The following INVS variants were observed in gnomAD, a reference collection of about 807,000 sequenced individuals.
INVS encodes inversion of embryo turning homolog.
INVS carries 86 observed loss-of-function variants against 108.8 expected under a neutral mutation model. The observed-to-expected ratio is 0.79, with a 90% CI of 0.66 to 0.95. INVS has a LOEUF of 0.95. Ranked by LOEUF, INVS falls within the 40% of genes least tolerant of loss-of-function variation. The probability of loss-of-function intolerance (pLI) is 0.00; values close to 1 mark genes in which losing one functional copy is unlikely to be tolerated. For synonymous variants in INVS, 455 were observed against 473.5 expected (o/e 0.96, Z 0.51); for missense variants, 1,169 against 1,297.4 (o/e 0.90, Z 1.52).
chr9:100,296,984 A>G lies in INVS; in HGVS notation c.2854A>G (p.Arg952Gly). The change falls in exon 15 of 17, where the codon AGA (arginine) becomes GGA (glycine). Residue 952 changes from arginine (R) to glycine (G), a missense_variant. Arg to Gly is a moderately radical substitution (Grantham distance 125, BLOSUM62 -2). This residue lies in a region of INVS where 533 missense variants were observed against 536.0 expected (regional missense o/e 0.99). Transcript: ENST00000262457. The stretch of plus-strand genomic sequence containing the variant: ...GCAGCTTGGAGCTGGAGATGTGGAC[A>G]GATGGAGGCAAGAGTCTACAGCATT... ...MKQLGAGDVD[R>G]WRQESTALLL... 6.2e-7 allele frequency: 1 copy of G among 1,614,154 alleles called. No individual in the cohort carries two copies. Among genetic ancestry groups the G allele is most frequent in the Non-Finnish European group, 8.5e-7 (1 of 1,180,020 alleles).
chr9:100,216,253 C>T (rs140514140), intron 3 of INVS, among the ~76,000 whole-genome samples: 4 of 152,278 alleles, frequency 2.6e-5, no homozygotes, highest in Admixed American at 6.5e-5. Flanking sequence ...AGTAAAAATA[C>T]GGCTAGTCTT....
At chr9:100,129,788 C>A in intron 3 of INVS, 2 of 637,534 alleles carry the variant, frequency 3.1e-6, no homozygotes, top group Middle Eastern at 2.5e-4. Context: ...ATGACATTTT[C>A]CAAACTGGAA....
intron 12 of INVS, among the ~76,000 whole-genome samples, chr9:100,276,171 T>G (rs1439575282): frequency 1.3e-5 from 2 of 152,236 alleles, no homozygotes; most frequent in Non-Finnish European, 2.9e-5. Context: ...AATTTTAAAT[T>G]AATTCATCTC....
intron 16 of INVS, chr9:100,298,342 G>C (rs1489630885): frequency 1.4e-5 from 14 of 984,142 alleles, no homozygotes; most frequent in Non-Finnish European, 1.7e-5. Context: ...GTTCCATTTT[G>C]GTGTCACACT....
Position 100,246,689 on chromosome 9 carries a change from T to C in INVS, c.980T>C (p.Met327Thr). The change falls in exon 8 of 17, where the codon ATG (methionine) becomes ACG (threonine). Residue 327 changes from methionine (M) to threonine (T), a missense_variant. This residue lies in a region of INVS where 365 missense variants were observed against 397.5 expected (regional missense o/e 0.92). Coordinates refer to ENST00000262457, the MANE Select transcript of INVS (RefSeq NM_014425.5). The stretch of plus-strand genomic sequence containing the variant: ...GACCTGGAAGGAAGAACATCCTTTA[T>C]GTGGGCAGCTGGCAAAGGCAGTGAT... ...DSDLEGRTSF[M>T]WAAGKGSDDV... 6.2e-7 allele frequency: 1 copy of C among 1,613,794 alleles called. No homozygotes were observed. Among genetic ancestry groups the C allele is most frequent in the Non-Finnish European group, 8.5e-7 (1 of 1,179,688 alleles).
At chr9:100,176,032 G>T (rs1039828461) in intron 3 of INVS, 6 of 528,038 alleles carry the variant, frequency 1.1e-5, no homozygotes, top group Non-Finnish European at 2.2e-5. Flanking sequence ...ACTATTCCAA[G>T]AACATGCAGC....
intron 7 of INVS, among the ~76,000 whole-genome samples, chr9:100,245,019 G>A (rs190333758): frequency 6.6e-6 from 1 of 152,260 alleles, no homozygotes; most frequent in East Asian, 1.9e-4. Context: ...TGGATTAGAT[G>A]AGCCCTTGAA....
intron 3 of INVS, among the ~76,000 whole-genome samples, chr9:100,128,619 C>G (rs909346109): frequency 6.6e-6 from 1 of 151,972 alleles, no homozygotes; most frequent in African/African-American, 2.4e-5. Context: ...ATAATATGTC[C>G]CAGGCCTGTA....
In INVS at chr9:100,226,137, C is replaced by G. The variant is rs1021818693; in HGVS notation, c.349C>G (p.Pro117Ala). The G allele has an allele frequency of 4.1e-5, 66 of 1,613,826 alleles. No homozygotes were observed. The highest frequency in any genetic ancestry group is 5.4e-5 in the Non-Finnish European group (64 of 1,179,940). ...GCAAAAGGATCTGGAAGAGATGACT[C>G]CTTTGCACTTGACCACCCGGCACAG... is the stretch of plus-strand genomic sequence containing the variant. ...WMQKDLEEMT[P>A]LHLTTRHRSP... Residue 117 changes from proline (P) to alanine (A), a missense_variant, in exon 4 of 17, where the codon CCT becomes GCT. Physicochemically the swap from Pro to Ala is conservative, Grantham distance 27 (BLOSUM62 -1). Transcript: ENST00000262457.
intron 3 of INVS, among the ~76,000 whole-genome samples, chr9:100,134,539 G>A (rs1828162512): frequency 6.6e-6 from 1 of 152,150 alleles, no homozygotes; most frequent in African/African-American, 2.4e-5. Context: ...CATAGCGGCT[G>A]TACTAGTTTA....
At chr9:100,226,268 A>G in intron 4 of INVS, 33 bp downstream of exon 4, 1 of 1,589,002 alleles carries the variant, frequency 6.3e-7, no homozygotes, top group Non-Finnish European at 8.6e-7. Context: ...GACTAATAAG[A>G]CCAGAAAGCA....
chr9:100,293,621 A>G (rs1348430356), intron 14 of INVS, among the ~76,000 whole-genome samples: 1 of 152,210 alleles, frequency 6.6e-6, no homozygotes, highest in Non-Finnish European at 1.5e-5. Flanking sequence ...CTGAGCATCT[A>G]CCAAGCTCAA....
At chr9:100,166,865 C>T (rs1288662796) in intron 3 of INVS, among the ~76,000 whole-genome samples, 1 of 152,168 alleles carries the variant, frequency 6.6e-6, no homozygotes, top group Non-Finnish European at 1.5e-5. Flanking sequence ...TTGCCCCCTG[C>T]AGTCTATGCC....
At chr9:100,099,708 G>C (rs2118779812) in intron 1 of INVS, among the ~76,000 whole-genome samples, 1 of 152,298 alleles carries the variant, frequency 6.6e-6, no homozygotes, top group Middle Eastern at 3.4e-3. Context: ...CTGGAAAACT[G>C]TGTGAGTGAT....
chr9:100,141,154 A>T (rs922807102), intron 3 of INVS, among the ~76,000 whole-genome samples: 1 of 152,148 alleles, frequency 6.6e-6, no homozygotes, highest in African/African-American at 2.4e-5. Flanking sequence ...GATAGTAGGG[A>T]TGACAAGTTT....
chr9:100,267,157 T>A (rs1832822070), intron 11 of INVS, among the ~76,000 whole-genome samples: 1 of 152,188 alleles, frequency 6.6e-6, no homozygotes, highest in Admixed American at 6.5e-5. Context: ...ACAATGAAAT[T>A]TTTTAACTCA....
chr9:100,287,534 C>G (rs1833485591), intron 13 of INVS, among the ~76,000 whole-genome samples: 2 of 152,204 alleles, frequency 1.3e-5, no homozygotes, highest in Non-Finnish European at 2.9e-5. Flanking sequence ...TGTCCCCACC[C>G]AAATTCCCAG....
chr9:100,104,570 C>G lies in INVS; in HGVS notation c.49C>G (p.Gln17Glu). 1 of 1,614,136 alleles carries G rather than the reference C, an allele frequency of 6.2e-7. No homozygotes were observed. Among genetic ancestry groups the G allele is most frequent in the Non-Finnish European group, 8.5e-7 (1 of 1,179,996 alleles). ...GTTTGCTGGTTCATCATTAGCATCA[C>G]AAGTCCATGCTGCTGCCGTTAATGG... Reference protein sequence around the residue: ...LLFAGSSLASQVHAAAVNGDK... With the variant: ...LLFAGSSLASEVHAAAVNGDK... The change falls in exon 2 of 17, where the codon CAA (glutamine) becomes GAA (glutamate). Residue 17 changes from glutamine (Q) to glutamate (E), a missense_variant. Physicochemically the swap from Gln to Glu is conservative, Grantham distance 29. Transcript: ENST00000262457.
chr9:100,232,126 A>AT (rs1491144759), intron 5 of INVS, among the ~76,000 whole-genome samples: 1 of 151,334 alleles, frequency 6.6e-6, no homozygotes, highest in African/African-American at 2.4e-5. Flanking sequence ...GCTTTTTTTC[A>AT]TATGTTTTTT....
Sources: allele counts gnomAD v4.1 joint callset (sites outside exome capture counted in the v4.1 genomes callset), GRCh38; gene constraint gnomAD v4.1.1; regional missense constraint gnomAD v4.1.1; transcripts MANE v1.5; gene names NCBI Gene and HGNC (gene_info 2026-07-23, HGNC 2026-07-21).